The following IRF2 variants were observed in gnomAD, a reference collection of about 807,000 sequenced individuals.
IRF2 encodes interferon regulatory factor 2.
Under a neutral mutation model 40.6 loss-of-function variants are expected in IRF2, and 15 were observed. The observed-to-expected ratio is 0.37, with a 90% CI of 0.25 to 0.57. The LOEUF is 0.57. IRF2 is among the 20% of genes least tolerant of loss of function. IRF2 has a pLI of 0.77. For missense variants in IRF2, 317 were observed against 455.7 expected, an observed-to-expected ratio of 0.70 and a Z score of 2.77; for synonymous variants, 151 against 165.5, an observed-to-expected ratio of 0.91 and a Z score of 0.67.
chr4:184,438,246 A>G (rs1738160745), intron 1 of IRF2, among the ~76,000 whole-genome samples: 1 of 152,208 alleles, frequency 6.6e-6, no homozygotes, highest in Admixed American at 6.5e-5. Context: ...TAAAGCAAAC[A>G]TTCAAATCTA....
chr4:184,437,446 A>C (rs559107937), intron 1 of IRF2, among the ~76,000 whole-genome samples: 2 of 152,234 alleles, frequency 1.3e-5, no homozygotes, highest in South Asian at 4.1e-4. Flanking sequence ...TGATCCTCCT[A>C]CTTCAACCTC....
chr4:184,436,559 T>C (rs540764209), intron 1 of IRF2, among the ~76,000 whole-genome samples: 22 of 152,196 alleles, frequency 1.4e-4, no homozygotes, highest in Non-Finnish European at 2.8e-4. Context: ...AAGGAATACA[T>C]AAATCATTGT....
intron 1 of IRF2, among the ~76,000 whole-genome samples, chr4:184,436,009 G>A (rs1030128031): frequency 5.5e-5 from 8 of 144,434 alleles, no homozygotes; most frequent in East Asian, 2.0e-4. Flanking sequence ...ACAGAGTCTC[G>A]CTCTGTCGTT....
At chr4:184,453,748 G>C (rs1477135462) in intron 1 of IRF2, among the ~76,000 whole-genome samples, 1 of 152,202 alleles carries the variant, frequency 6.6e-6, no homozygotes, top group Admixed American at 6.5e-5. Flanking sequence ...TGAGGAGGAG[G>C]AGCGTGGCAG....
At chr4:184,437,489 G>A (rs531994018) in intron 1 of IRF2, among the ~76,000 whole-genome samples, 69 of 152,176 alleles carry the variant, frequency 4.5e-4, no homozygotes, top group Non-Finnish European at 6.3e-4. Context: ...ATAAGTCACC[G>A]TGCCCAGCCT....
intron 7 of IRF2, 108 bp downstream of exon 7, chr4:184,398,806 TC>T (rs1736562906): frequency 2.0e-6 from 2 of 979,926 alleles, no homozygotes; most frequent in Non-Finnish European, 3.0e-6. Flanking sequence ...GGAGAATAAC[TC>T]CTAGGACAGA....
At chr4:184,473,791 G>A (rs1739620939) in intron 1 of IRF2, among the ~76,000 whole-genome samples, 1 of 151,826 alleles carries the variant, frequency 6.6e-6, no homozygotes, top group South Asian at 2.1e-4. Flanking sequence ...CCGGGGAGCG[G>A]TGCCTGCTTA....
chr4:184,474,080 ACCT>A lies in IRF2; in HGVS notation c.-7+296_-7+298del, dbSNP rs150850794. 5,246 of 146,584 alleles carry A rather than the reference ACCT, an allele frequency of 0.036. 148 individuals are homozygous for A. The highest frequency in any genetic ancestry group is 0.051 in the Non-Finnish European group (3,386 of 66,636). 9.1% of individuals were successfully genotyped at this position (146,584 alleles called of 1,614,324 possible). A position where few individuals can be genotyped will look rare whatever the true frequency, so the allele number is the denominator to read the frequency against. On this transcript the variant is annotated intron_variant, in intron 1 of 8. Transcript: ENST00000393593. This position sits in a 1 kb window ranked among gnomAD's most constrained non-coding sequence, Gnocchi z 5.6. Reference sequence around the variant, plus strand: ...CAAAAGTGAAATTAAACCTCCACCAACCTCCTCCTCCTCCTCCCTCTCTACCTC... The same window carrying A: ...CAAAAGTGAAATTAAACCTCCACCAACCTCCTCCTCCTCCCTCTCTACCTC...
chr4:184,468,917 G>A (rs1579121556), intron 1 of IRF2, among the ~76,000 whole-genome samples: 1 of 152,232 alleles, frequency 6.6e-6, no homozygotes, highest in African/African-American at 2.4e-5. Context: ...GAATTATCCA[G>A]CCACATTTTA....
At chr4:184,438,663 CT>C (rs1409349674) in intron 1 of IRF2, among the ~76,000 whole-genome samples, 8 of 152,150 alleles carry the variant, frequency 5.3e-5, no homozygotes, top group Admixed American at 1.3e-4. Context: ...TCCCAAAGTC[CT>C]GGGATCACAG....
chr4:184,405,331 G>A (rs745828881), intron 6 of IRF2, among the ~76,000 whole-genome samples: 16 of 152,184 alleles, frequency 1.1e-4, no homozygotes, highest in East Asian at 1.9e-4. Context: ...TGGATGAGAC[G>A]TGTTGGGCTG....
chr4:184,420,296 T>C (rs1737437161), intron 2 of IRF2, among the ~76,000 whole-genome samples: 1 of 152,218 alleles, frequency 6.6e-6, no homozygotes, highest in Non-Finnish European at 1.5e-5. Flanking sequence ...AATTAAAAAT[T>C]AGACAAGTTT....
intron 1 of IRF2, among the ~76,000 whole-genome samples, chr4:184,440,045 GGGCAGTTCCCTA>G (rs1345356829): frequency 6.6e-6 from 1 of 152,200 alleles, no homozygotes; most frequent in East Asian, 1.9e-4. Context: ...AACTCTCAAA[GGGCAGTTCCCTA>G]GGCAGATGTA....
At chr4:184,470,579 T>C (rs1739477277) in intron 1 of IRF2, among the ~76,000 whole-genome samples, 1 of 151,036 alleles carries the variant, frequency 6.6e-6, no homozygotes, top group South Asian at 2.1e-4. Flanking sequence ...TAGTCCCAAC[T>C]ACTCGGGAAG....
At chr4:184,424,203 A>G (rs1737586383) in intron 2 of IRF2, among the ~76,000 whole-genome samples, 1 of 152,178 alleles carries the variant, frequency 6.6e-6, no homozygotes, top group Non-Finnish European at 1.5e-5. Flanking sequence ...CCCATAACCA[A>G]AGGTAAATTG....
chr4:184,472,810 G>A (rs1013860953), intron 1 of IRF2, among the ~76,000 whole-genome samples: 1 of 152,170 alleles, frequency 6.6e-6, no homozygotes, highest in Admixed American at 6.5e-5. Flanking sequence ...CCAAGGGTCC[G>A]GCCTACACAG....
At chr4:184,404,900 A>G (rs946638759) in intron 6 of IRF2, among the ~76,000 whole-genome samples, 6 of 152,214 alleles carry the variant, frequency 3.9e-5, no homozygotes, top group African/African-American at 1.4e-4. Flanking sequence ...GTGAGAAAAC[A>G]GCATCTCAGG....
chr4:184,404,834 T>C (rs1736792839), intron 6 of IRF2, among the ~76,000 whole-genome samples: 2 of 151,858 alleles, frequency 1.3e-5, no homozygotes, highest in South Asian at 4.2e-4. Flanking sequence ...CTCACCAGGG[T>C]GACAGAGTGC....
intron 1 of IRF2, among the ~76,000 whole-genome samples, chr4:184,456,419 C>T (rs1049246911): frequency 2.6e-5 from 4 of 152,182 alleles, no homozygotes; most frequent in Admixed American, 2.0e-4. Context: ...GGGTGGCGCC[C>T]GCGTGTCCGA....
Sources: gnomAD v4.1 joint callset for allele counts (sites outside exome capture counted in the v4.1 genomes callset) on GRCh38, gnomAD v4.1.1 for gene constraint, Gnocchi (gnomAD v3.1) non-coding constraint, MANE v1.5 for transcripts, NCBI Gene and HGNC (gene_info 2026-07-23, HGNC 2026-07-21) for gene names.